The following DIP2C variants were observed in gnomAD, a reference collection of about 807,000 sequenced individuals.
DIP2C encodes disco-interacting protein 2 homolog C.
In DIP2C, 33 loss-of-function variants were observed where a neutral mutation model predicts 192.4. The observed-to-expected ratio is 0.17, with a 90% CI of 0.13 to 0.23. DIP2C has a LOEUF of 0.23. Ranked by LOEUF, DIP2C falls within the 10% of genes least tolerant of loss-of-function variation. The probability of loss-of-function intolerance (pLI) is 1.00; values close to 1 mark genes in which losing one functional copy is unlikely to be tolerated. For missense variants in DIP2C, 1,537 were observed against 2,110.1 expected, an observed-to-expected ratio of 0.73 and a Z score of 5.32; for synonymous variants, 979 against 864.1, an observed-to-expected ratio of 1.13 and a Z score of -2.33.
In DIP2C at chr10:432,699, A is replaced by C. The variant is rs149041098; in HGVS notation, c.394+8172T>G. Among the ~76,000 whole-genome samples the C allele has an allele frequency of 1.8e-3, 271 of 152,242 alleles. 3 individuals carry two copies. The highest frequency in any genetic ancestry group is 5.7e-3 in the African/African-American group (236 of 41,554). On this transcript the variant is annotated intron_variant, in intron 4 of 36. Coordinates refer to ENST00000280886, the MANE Select transcript of DIP2C (RefSeq NM_014974.3). ...TTCATTATTTGTCTCCTGCTTACTTAGAATTTAATTTGCTGTTCTTTTTCT... is the reference window on the plus strand; with the variant it reads ...TTCATTATTTGTCTCCTGCTTACTTCGAATTTAATTTGCTGTTCTTTTTCT...
At chr10:440,732 C>G (rs1241759021) in intron 4 of DIP2C, 139 bp downstream of exon 4, 2 of 1,262,084 alleles carry the variant, frequency 1.6e-6, no homozygotes. Flanking sequence ...TCATACAACA[C>G]TGTTTTTGGA....
At chr10:400,805 T>C (rs1365817480) in intron 9 of DIP2C, among the ~76,000 whole-genome samples, 5 of 151,720 alleles carry the variant, frequency 3.3e-5, no homozygotes, top group Non-Finnish European at 7.4e-5. Context: ...AGCATTACTC[T>C]TCCTTATGAA....
intron 1 of DIP2C, among the ~76,000 whole-genome samples, chr10:571,978 T>C (rs772014209): frequency 3.3e-5 from 5 of 152,232 alleles, no homozygotes; most frequent in Non-Finnish European, 7.3e-5. Flanking sequence ...CCGAAATATG[T>C]TCTTGGTTTC....
chr10:337,685 C>A (rs1405140094), intron 29 of DIP2C, among the ~76,000 whole-genome samples: 1 of 137,204 alleles, frequency 7.3e-6, no homozygotes, highest in Non-Finnish European at 1.5e-5. Context: ...GTTGTGGAGG[C>A]CTAGGCAGCT....
intron 31 of DIP2C, among the ~76,000 whole-genome samples, chr10:317,441 TAG>T (rs1252362753): frequency 1.3e-5 from 2 of 152,224 alleles, no homozygotes; most frequent in Non-Finnish European, 2.9e-5. Context: ...TCTGACACTT[TAG>T]AGAGAGGGCG....
chr10:551,015 G>C (rs919455655), intron 1 of DIP2C, among the ~76,000 whole-genome samples: 4 of 148,570 alleles, frequency 2.7e-5, no homozygotes, highest in Admixed American at 2.7e-4. Context: ...CCCGGGCCTC[G>C]ATTTCCCCCT....
chr10:415,035 C>G (rs548568707), intron 7 of DIP2C, among the ~76,000 whole-genome samples: 1 of 151,610 alleles, frequency 6.6e-6, no homozygotes, highest in South Asian at 2.1e-4. Context: ...AGCCACCGCA[C>G]CTGGCCTGAG....
intron 17 of DIP2C, among the ~76,000 whole-genome samples, chr10:372,276 T>C (rs1450488565): frequency 6.6e-6 from 1 of 152,134 alleles, no homozygotes; most frequent in African/African-American, 2.4e-5. Context: ...GGTTTCACCA[T>C]GTGGGCCAGG....
chr10:297,241 T>TACACACACAC (rs140637166), intron 32 of DIP2C, among the ~76,000 whole-genome samples: 2,520 of 115,560 alleles, frequency 0.022, 35 homozygotes, highest in African/African-American at 0.038. Flanking sequence ...CCCCACCACA[T>TACACACACAC]ACACACACAC....
chr10:419,764 T>C (rs557708396), intron 5 of DIP2C, among the ~76,000 whole-genome samples: 1 of 152,300 alleles, frequency 6.6e-6, no homozygotes, highest in East Asian at 1.9e-4. Flanking sequence ...AGAACTATTA[T>C]TTTATTATTT....
chr10:414,739 G>GTGTGTA lies in DIP2C; in HGVS notation c.860-630_860-629insTACACA. Among the ~76,000 whole-genome samples, 35 of 90,536 alleles carry GTGTGTA rather than the reference G, an allele frequency of 3.9e-4. 5 individuals are homozygous for GTGTGTA. The highest frequency in any genetic ancestry group is 1.0e-3 in the East Asian group (3 of 2,860). The allele number at this position is 90,536 out of a possible 152,430, so 59.4% of individuals were successfully genotyped here. A position where few individuals can be genotyped will look rare whatever the true frequency, so the allele number is the denominator to read the frequency against. On this transcript the variant is annotated intron_variant, in intron 7 of 36. Transcript: ENST00000280886. ...TGTGTGTGTGTGTGTGTGTGTGTGT[G>GTGTGTA]TACATATATATATATATAATGTGTA...
chr10:329,949 TAA>T (rs949118522), intron 29 of DIP2C, among the ~76,000 whole-genome samples: 7 of 146,828 alleles, frequency 4.8e-5, no homozygotes, highest in Non-Finnish European at 1.1e-4. Context: ...AATTTCGGTT[TAA>T]AAAAAAAAAG....
At chr10:381,038 G>A (rs548568189) in intron 17 of DIP2C, among the ~76,000 whole-genome samples, 7 of 152,322 alleles carry the variant, frequency 4.6e-5, no homozygotes, top group Admixed American at 6.5e-5. Flanking sequence ...AAGTACGAGT[G>A]CTGCTTTCAT....
intron 10 of DIP2C, among the ~76,000 whole-genome samples, chr10:395,509 G>C (rs1406494176): frequency 6.6e-6 from 1 of 152,218 alleles, no homozygotes; most frequent in South Asian, 2.1e-4. Flanking sequence ...GAGGGTCTCT[G>C]TACTTCACCT....
chr10:460,463 T>C (rs1969682314), intron 3 of DIP2C, among the ~76,000 whole-genome samples: 1 of 152,146 alleles, frequency 6.6e-6, no homozygotes, highest in Admixed American at 6.5e-5. Context: ...CATTACAAAG[T>C]AAGGTCATGG....
Position 414,041 on chromosome 10 carries a change from A to T in DIP2C, c.929T>A (p.Leu310Gln). Reference protein sequence around the residue: ...AQMLAMRGEQLGVVTNWPPSL... With the variant: ...AQMLAMRGEQQGVVTNWPPSL... ...CGGCGGCCAGTTCGTGACCACGCCC[A>T]GCTGCTCTCCGCGCATGGCCAGCAT... is the stretch of plus-strand genomic sequence containing the variant. Residue 310 changes from leucine (L) to glutamine (Q), a missense_variant, in exon 8 of 37, where the codon CTG becomes CAG. Transcript: ENST00000280886. 1 of 1,614,124 alleles carries T rather than the reference A, an allele frequency of 6.2e-7. No individual in the cohort carries two copies. Among genetic ancestry groups the T allele is most frequent in the Non-Finnish European group, 8.5e-7 (1 of 1,179,974 alleles).
intron 14 of DIP2C, among the ~76,000 whole-genome samples, chr10:386,714 A>G (rs1962959546): frequency 6.6e-6 from 1 of 152,236 alleles, no homozygotes; most frequent in African/African-American, 2.4e-5. Flanking sequence ...CGGCGAATAC[A>G]GGAATTCCTG....
chr10:349,519 G>A (rs1242372974), intron 24 of DIP2C, 65 bp from the exon 25 acceptor site: 18 of 1,560,320 alleles, frequency 1.2e-5, no homozygotes, highest in South Asian at 1.0e-4. Flanking sequence ...CAGAGAGCGC[G>A]CACGCGTCAT....
chr10:453,751 G>A (rs959329390), intron 3 of DIP2C, among the ~76,000 whole-genome samples: 1 of 152,216 alleles, frequency 6.6e-6, no homozygotes, highest in African/African-American at 2.4e-5. Flanking sequence ...CTGGACTCAG[G>A]GCTGTCAGGG....
Sources: allele counts gnomAD v4.1 joint callset (sites outside exome capture counted in the v4.1 genomes callset), GRCh38; gene constraint gnomAD v4.1.1; transcripts MANE v1.5; gene names NCBI Gene and HGNC (gene_info 2026-07-23, HGNC 2026-07-21).